DYNC1H1: variants seen among roughly 807,000 people sequenced by gnomAD.
DYNC1H1 encodes dynein cytoplasmic 1 heavy chain 1.
Under a neutral mutation model 527.1 loss-of-function variants are expected in DYNC1H1, and 51 were observed. The observed-to-expected ratio is 0.10, with a 90% CI of 0.08 to 0.12. The LOEUF (loss-of-function observed/expected upper bound fraction) is 0.12, where lower values mean the gene tolerates loss of function less well. Ranked by LOEUF, DYNC1H1 falls within the 10% of genes least tolerant of loss-of-function variation. The pLI is 1.00. For synonymous variants in DYNC1H1, 2,189 were observed against 2,278.8 expected, an observed-to-expected ratio of 0.96 and a Z score of 1.12; for missense variants, 2,771 against 5,971.8, an observed-to-expected ratio of 0.46 and a Z score of 17.66.
At position 102,056,037 on chromosome 14, in the gene DYNC1H1, C is replaced by T. The variant is rs1488595688; in HGVS notation, c.*5474C>T. On this transcript the variant is annotated 3_prime_UTR_variant, in exon 78 of 78. Coordinates refer to ENST00000360184, the MANE Select transcript of DYNC1H1 (RefSeq NM_001376.5). ...GGTCCTGACTGGGGGGAGAGAGACC[C>T]TCTCATATTGTTTTATACTCAGTAC... 2.6e-5 allele frequency: 4 copies of T among 152,236 alleles called. No homozygotes were observed. The allele number at this position is 152,236 out of a possible 1,614,324, so 9.4% of individuals were successfully genotyped here.
chr14:101,986,880 C>A lies in DYNC1H1; in HGVS notation c.2538+117C>A. 2 of 1,238,104 alleles carry A rather than the reference C, an allele frequency of 1.6e-6. No individual in the cohort carries two copies. Among genetic ancestry groups the A allele is most frequent in the Non-Finnish European group, 2.4e-6 (2 of 846,988 alleles). The allele number at this position is 1,238,104 out of a possible 1,614,324, so 76.7% of individuals were successfully genotyped here. On this transcript the variant is annotated intron_variant, in intron 8 of 77. Coordinates refer to ENST00000360184, the MANE Select transcript of DYNC1H1 (RefSeq NM_001376.5). This position sits in a 1 kb window ranked among gnomAD's most constrained non-coding sequence, Gnocchi z 8.7. ...CATGCATGGTTGATGCAGCATACGG[C>A]CATGTGAGCTGCAAGGGAGGAGGAC...
chr14:102,036,631 C>T lies in DYNC1H1; in HGVS notation c.10897C>T (p.Leu3633Phe). Reference protein sequence around the residue: ...LESALRFGNPLLVQDVESYDP... With the variant: ...LESALRFGNPFLVQDVESYDP... ...GAGTGCACTGAGATTCGGTAACCCC[C>T]TTCTGGTCCAGGTTGGTGTTGGCCT... is the stretch of plus-strand genomic sequence containing the variant. The change falls in exon 57 of 78, where the codon CTT becomes TTT. Residue 3633 changes from leucine to phenylalanine, a missense_variant. By Grantham distance (22) the Leu-to-Phe change is conservative. Around this residue, in one of 32 missense-constraint regions of DYNC1H1, gnomAD observed 283 missense variants for 737.6 expected, o/e 0.38. Transcript: ENST00000360184. The surrounding 1 kb of genome is among the most constrained non-coding windows in gnomAD (Gnocchi z 5.6). 1.2e-6 allele frequency: 2 copies of T among 1,614,108 alleles called. No homozygotes were observed. Among genetic ancestry groups the T allele is most frequent in the South Asian group, 1.1e-5 (1 of 91,064 alleles).
Position 102,029,361 on chromosome 14 carries a change from T to C in DYNC1H1, c.9469-178T>C. 1.4e-6 allele frequency: 1 copy of C among 706,060 alleles called. No homozygotes were observed. The highest frequency in any genetic ancestry group is 1.8e-5 in the South Asian group (1 of 56,564). The allele number at this position is 706,060 out of a possible 1,614,324, so 43.7% of individuals were successfully genotyped here. A position where few individuals can be genotyped will look rare whatever the true frequency, so the allele number is the denominator to read the frequency against. ...TAAAGGGCTTAGAGAGGTTTGGAAG[T>C]GTAAGGGGTATCTCGAAAGCTCTAA... On this transcript the variant is annotated intron_variant, in intron 48 of 77. Transcript: ENST00000360184. The surrounding 1 kb of genome is among the most constrained non-coding windows in gnomAD (Gnocchi z 5.3).
At chr14:101,995,370 G>A (rs1009176088) in intron 15 of DYNC1H1, 70 bp downstream of exon 15, 41 of 1,587,822 alleles carry the variant, frequency 2.6e-5, no homozygotes, top group Non-Finnish European at 3.4e-5. Flanking sequence ...CCAGCACTTT[G>A]GGAGGCCGAG....
At position 102,001,088 on chromosome 14, in the gene DYNC1H1, G is replaced by A; in HGVS notation, c.4185+24G>A. On this transcript the variant is annotated intron_variant, in intron 19 of 77. Transcript: ENST00000360184. This position sits in a 1 kb window ranked among gnomAD's most constrained non-coding sequence, Gnocchi z 5.0. The stretch of plus-strand genomic sequence containing the variant: ...AGGTAGGTGGCCAGTATCGCACGGT[G>A]ATGAGTGTCCATTAGAAACGCACCT... 2 of 1,613,990 alleles carry A rather than the reference G, an allele frequency of 1.2e-6. No homozygotes were observed. The highest frequency in any genetic ancestry group is 1.6e-4 in the Middle Eastern group (1 of 6,062).
In DYNC1H1 at chr14:102,050,861, G is replaced by A. The variant is rs2048800176; in HGVS notation, c.*298G>A. On this transcript the variant is annotated 3_prime_UTR_variant, in exon 78 of 78. Coordinates refer to ENST00000360184, the MANE Select transcript of DYNC1H1 (RefSeq NM_001376.5). ...GAGCCTTGCCTTCCATGCTGCCCAG[G>A]GAGGGCAGCCCACGGCAGCCATGCC... 4.9e-6 allele frequency: 2 copies of A among 410,296 alleles called. No homozygotes were observed. Among genetic ancestry groups the A allele is most frequent in the Admixed American group, 7.2e-5 (2 of 27,784 alleles). 25.4% of individuals were successfully genotyped at this position (410,296 alleles called of 1,614,324 possible).
At chr14:102,050,336 C>G in intron 77 of DYNC1H1, 99 bp from the exon 78 acceptor site, 1 of 1,611,254 alleles carries the variant, frequency 6.2e-7, no homozygotes, top group Non-Finnish European at 8.5e-7. Context: ...TCGCACCTGT[C>G]CAAACCTCTC....
In DYNC1H1 at chr14:102,005,990, T is replaced by C; in HGVS notation, c.5536T>C (p.Phe1846Leu). 1 of 1,614,256 alleles carries C rather than the reference T, an allele frequency of 6.2e-7. No homozygotes were observed. Among genetic ancestry groups the C allele is most frequent in the East Asian group, 2.2e-5 (1 of 44,888 alleles). Residue 1846 changes from phenylalanine to leucine, a missense_variant, in exon 27 of 78, where the codon TTT (phenylalanine) becomes CTT (leucine). Phe to Leu is a conservative substitution (Grantham distance 22, BLOSUM62 0). Coordinates refer to ENST00000360184, the MANE Select transcript of DYNC1H1 (RefSeq NM_001376.5). The surrounding 1 kb of genome is among the most constrained non-coding windows in gnomAD (Gnocchi z 4.0). Reference sequence around the variant, plus strand: ...ATGGCTCAGCCAGATGCGATTTTACTTTGACCCTAAGCAAACTGATGTGTT... The same window carrying C: ...ATGGCTCAGCCAGATGCGATTTTACCTTGACCCTAAGCAAACTGATGTGTT... ...FEWLSQMRFY[F>L]DPKQTDVLQQ...
rs1567026381 is a variant in DYNC1H1 at position 102,050,060 on chromosome 14, C to T, written c.13685-11C>T. The stretch of plus-strand genomic sequence containing the variant: ...TTCACCTCAGCCTGGGTTTTGGCTT[C>T]CGCCTCACAGGTTTGAAACTTCAAG... On this transcript the variant is annotated splice_polypyrimidine_tract_variant and intron_variant, in intron 76 of 77. Transcript: ENST00000360184. 2 of 1,550,490 alleles carry T rather than the reference C, an allele frequency of 1.3e-6. No homozygotes were observed.
At chr14:101,969,510 A>G in intron 1 of DYNC1H1, 1 of 155,730 alleles carries the variant, frequency 6.4e-6, no homozygotes, top group Non-Finnish European at 1.4e-5. Flanking sequence ...TGCCAGATGC[A>G]GGCCGTACAG....
In DYNC1H1 at chr14:102,049,389, T is replaced by TG; in HGVS notation, c.13373-46dup. The TG allele has an allele frequency of 6.2e-7, 1 of 1,612,084 alleles. No individual in the cohort carries two copies. The highest frequency in any genetic ancestry group is 1.1e-5 in the South Asian group (1 of 90,986). On this transcript the variant is annotated intron_variant, in intron 74 of 77. Coordinates refer to ENST00000360184, the MANE Select transcript of DYNC1H1 (RefSeq NM_001376.5). This position sits in a 1 kb window ranked among gnomAD's most constrained non-coding sequence, Gnocchi z 5.5. ...ACTTGCACATTTGTTCCATCTGTGC[T>TG]GGGGGAGTTGTGAGAGCTGACACCC... is the stretch of plus-strand genomic sequence containing the variant.
In DYNC1H1 at chr14:102,010,666, C is replaced by T. The variant is rs1267698643; in HGVS notation, c.6406-74C>T. 52 of 1,588,208 alleles carry T rather than the reference C, an allele frequency of 3.3e-5. No homozygotes were observed. Among genetic ancestry groups the T allele is most frequent in the African/African-American group, 2.7e-5 (2 of 74,390 alleles). ...TTTGTTCACCAACAGTTACTGATCA[C>T]GCACCTCCTGGGGATGCAGCGGGCA... On this transcript the variant is annotated intron_variant, in intron 31 of 77. Transcript: ENST00000360184. This position sits in a 1 kb window ranked among gnomAD's most constrained non-coding sequence, Gnocchi z 6.0.
intron 1 of DYNC1H1, among the ~76,000 whole-genome samples, chr14:101,968,782 G>A (rs2047696276): frequency 6.6e-6 from 1 of 152,146 alleles, no homozygotes; most frequent in Non-Finnish European, 1.5e-5. Context: ...GGCTGGTCTT[G>A]AACTCTTGGA....
In DYNC1H1 at chr14:101,965,164, G is replaced by T. The variant is rs2047651285; in HGVS notation, c.256+217G>T. Among the ~76,000 whole-genome samples, 1 of 151,846 alleles carries T rather than the reference G, an allele frequency of 6.6e-6. No individual in the cohort carries two copies. Among genetic ancestry groups the T allele is most frequent in the Non-Finnish European group, 1.5e-5 (1 of 67,926 alleles). On this transcript the variant is annotated intron_variant, in intron 1 of 77. Coordinates refer to ENST00000360184, the MANE Select transcript of DYNC1H1 (RefSeq NM_001376.5). The surrounding 1 kb of genome is among the most constrained non-coding windows in gnomAD (Gnocchi z 4.1). ...GAGGCCGGCGCGGCGCCCGGGGCTC[G>T]CCCTCGCCACACCCACTGCCCGGCC...
In DYNC1H1 at chr14:102,002,769, G is replaced by A. The variant is rs528052997; in HGVS notation, c.4710-23G>A. 35 of 1,614,102 alleles carry A rather than the reference G, an allele frequency of 2.2e-5. 1 individual carries two copies. The highest frequency in any genetic ancestry group is 1.1e-4 in the South Asian group (10 of 91,084). On this transcript the variant is annotated intron_variant, in intron 22 of 77. Coordinates refer to ENST00000360184, the MANE Select transcript of DYNC1H1 (RefSeq NM_001376.5). The surrounding 1 kb of genome is among the most constrained non-coding windows in gnomAD (Gnocchi z 4.4). ...GTGACTACTCTACACAAAGGCTGAC[G>A]CATGTTTTAATTTCATTTGTAGCAT...
chr14:102,022,427 A>T (rs1595620642), intron 42 of DYNC1H1, among the ~76,000 whole-genome samples: 1 of 149,828 alleles, frequency 6.7e-6, no homozygotes, highest in Admixed American at 6.7e-5. Context: ...AATGGTATGA[A>T]CCCGGGAGGC....
In DYNC1H1 at chr14:102,044,673, C is replaced by T. The variant is rs538662679; in HGVS notation, c.12981C>T (p.Ala4327=). ...CCTGGCTGGGCCTGCCCAACAACGCCGAGAGAGTCCTCCTTACCACACAGG... is the reference window on the plus strand; with the variant it reads ...CCTGGCTGGGCCTGCCCAACAACGCTGAGAGAGTCCTCCTTACCACACAGG... ...TPSWLGLPNN[A]ERVLLTTQGV... Residue 4327 remains alanine (A), a synonymous_variant, in exon 72 of 78, where the codon GCC becomes GCT. Coordinates refer to ENST00000360184, the MANE Select transcript of DYNC1H1 (RefSeq NM_001376.5). The surrounding 1 kb of genome is among the most constrained non-coding windows in gnomAD (Gnocchi z 7.1). The T allele has an allele frequency of 3.5e-5, 56 of 1,614,042 alleles. No individual in the cohort carries two copies. The highest frequency in any genetic ancestry group is 1.8e-4 in the East Asian group (8 of 44,880).
chr14:102,029,857 A>G lies in DYNC1H1; in HGVS notation c.9681A>G (p.Gln3227=). ...GTCGTGACTTGAGGATAAAGAGCCAAGAGCTGGAGGTGAAGAATGCAGCAG... is the reference window on the plus strand; with the variant it reads ...GTCGTGACTTGAGGATAAAGAGCCAGGAGCTGGAGGTGAAGAATGCAGCAG... ...ELRRDLRIKS[Q]ELEVKNAAAN... Residue 3227 remains glutamine (Q), a synonymous_variant, in exon 50 of 78, where the codon CAA becomes CAG. Coordinates refer to ENST00000360184, the MANE Select transcript of DYNC1H1 (RefSeq NM_001376.5). This position sits in a 1 kb window ranked among gnomAD's most constrained non-coding sequence, Gnocchi z 5.3. The G allele has an allele frequency of 6.2e-7, 1 of 1,614,186 alleles. No individual in the cohort carries two copies. The highest frequency in any genetic ancestry group is 8.5e-7 in the Non-Finnish European group (1 of 1,180,038).
Position 102,038,716 on chromosome 14 carries a change from C to G in DYNC1H1, c.11074C>G (p.Leu3692Val). Residue 3692 changes from leucine (L) to valine (V), a missense_variant, in exon 59 of 78, where the codon CTC becomes GTC. Leu to Val is a conservative substitution (Grantham distance 32, BLOSUM62 1). Coordinates refer to ENST00000360184, the MANE Select transcript of DYNC1H1 (RefSeq NM_001376.5). The surrounding 1 kb of genome is among the most constrained non-coding windows in gnomAD (Gnocchi z 7.2). ...TTGGCAGGTCGAGTTCCCACCAGAT[C>G]TCTGTTCCCGGGTTACTTTTGTAAA... The part of the protein sequence containing the change: ...RDPTVEFPPD[L>V]CSRVTFVNFT... 3 of 1,614,222 alleles carry G rather than the reference C, an allele frequency of 1.9e-6. No individual in the cohort carries two copies. Among genetic ancestry groups the G allele is most frequent in the Non-Finnish European group, 2.5e-6 (3 of 1,180,042 alleles).
Sources: allele counts gnomAD v4.1 joint callset (sites outside exome capture counted in the v4.1 genomes callset), GRCh38; gene constraint gnomAD v4.1.1; regional missense constraint gnomAD v4.1.1; non-coding constraint Gnocchi (gnomAD v3.1); transcripts MANE v1.5; gene names NCBI Gene and HGNC (gene_info 2026-07-23, HGNC 2026-07-21).